PFKFB4: variants seen among roughly 807,000 people sequenced by gnomAD.
The protein encoded by PFKFB4 is 6-phosphofructo-2-kinase/fructose-2,6-bisphosphatase 4.
In PFKFB4, 42 loss-of-function variants were observed where a neutral mutation model predicts 62.8. The ratio of observed to expected loss-of-function variants is 0.67; its 90% confidence interval spans 0.52 to 0.86. The LOEUF (loss-of-function observed/expected upper bound fraction) is 0.86. Among genes scored for constraint, PFKFB4 ranks in the 40% least tolerant of loss-of-function variants. PFKFB4 has a pLI of 0.00. For synonymous variants in PFKFB4, 204 were observed against 240.7 expected (o/e 0.85, Z 1.41); for missense variants, 475 against 627.2 (o/e 0.76, Z 2.59).
At chr3:48,562,850 G>A (rs1232046619), upstream of PFKFB4, 1 of 1,587,268 alleles carries the variant, frequency 6.3e-7, no homozygotes, top group East Asian at 2.3e-5. This position sits in a 1 kb window ranked among gnomAD's most constrained non-coding sequence, Gnocchi z 4.3. Context: ...GGCAGCCCTG[G>A]CCCGGGCTTG....
At chr3:48,544,441 CTTTT>C (rs34817026) in intron 3 of PFKFB4, among the ~76,000 whole-genome samples, 4 of 100,402 alleles carry the variant, frequency 4.0e-5, no homozygotes, top group Non-Finnish European at 5.9e-5. Context: ...GTTTTCAGAT[CTTTT>C]TTTTTTTTTT....
intron 9 of PFKFB4, among the ~76,000 whole-genome samples, chr3:48,533,062 G>A (rs2042476955): frequency 6.6e-6 from 1 of 152,108 alleles, no homozygotes; most frequent in Non-Finnish European, 1.5e-5. Flanking sequence ...TTTTAGAGAT[G>A]GGGTCTCACT....
chr3:48,561,074 C>T (rs750058912), upstream of PFKFB4: 1 of 1,284,004 alleles, frequency 7.8e-7, no homozygotes, highest in South Asian at 1.3e-5. This position sits in a 1 kb window ranked among gnomAD's most constrained non-coding sequence, Gnocchi z 5.2. Context: ...TCCCCGGCCC[C>T]AGGTCGGTCA....
intron 1 of PFKFB4, among the ~76,000 whole-genome samples, chr3:48,554,220 A>G (rs1308683586): frequency 6.6e-6 from 1 of 152,142 alleles, no homozygotes; most frequent in African/African-American, 2.4e-5. Flanking sequence ...ATCCGCTTCC[A>G]TCCCCACCCA....
chr3:48,562,762 T>C (rs1251845787), upstream of PFKFB4: 14 of 1,522,600 alleles, frequency 9.2e-6, no homozygotes, highest in Non-Finnish European at 1.1e-5. This position sits in a 1 kb window ranked among gnomAD's most constrained non-coding sequence, Gnocchi z 4.3. Context: ...GGTGGCCCTA[T>C]CACTGTGACC....
intron 9 of PFKFB4, among the ~76,000 whole-genome samples, chr3:48,535,284 A>G (rs1050902440): frequency 1.3e-5 from 2 of 152,132 alleles, no homozygotes; most frequent in African/African-American, 4.8e-5. Flanking sequence ...GAGGAGAGTG[A>G]GGTTGAGGTG....
In PFKFB4 at chr3:48,531,882, T is replaced by G. The variant is rs890198827; in HGVS notation, c.987+3630A>C. ...CCACACCCATTAGGATGGCTACTAT[T>G]AAAAAAAGAAAAGAAAAGAAAACAA... On this transcript the variant is annotated intron_variant, in intron 9 of 13. Transcript: ENST00000232375. Among the ~76,000 whole-genome samples, 48 of 151,828 alleles carry G rather than the reference T, an allele frequency of 3.2e-4. 1 individual carries two copies. The highest frequency in any genetic ancestry group is 3.1e-3 in the Admixed American group (47 of 15,232).
chr3:48,525,174 G>A (rs1021142043), intron 10 of PFKFB4, among the ~76,000 whole-genome samples: 3 of 152,168 alleles, frequency 2.0e-5, no homozygotes. Context: ...GAAAGGAGCT[G>A]GCCTGGGAAT....
chr3:48,525,423 C>T (rs2042225571), intron 10 of PFKFB4, 142 bp downstream of exon 10: 1 of 530,890 alleles, frequency 1.9e-6, no homozygotes, highest in Non-Finnish European at 3.4e-6. Context: ...AGATGAACCA[C>T]ACACCCAGGC....
chr3:48,559,898 C>CCA (rs34826551), upstream of PFKFB4: 3,582 of 191,592 alleles, frequency 0.019, 76 homozygotes, highest in Non-Finnish European at 0.021. Context: ...AACCATCCCA[C>CCA]CACACACACA....
Position 48,523,744 on chromosome 3 carries a change from A to T in PFKFB4, c.1179T>A (p.Ala393=), listed in dbSNP as rs1041645787. The stretch of plus-strand genomic sequence containing the variant: ...AGTAGGCCAGCAGGCAGCGCATCAC[A>T]GCCTGGTGGCAGATGACCAGCACAT... The part of the protein sequence containing the change: ...QENVLVICHQ[A]VMRCLLAYFL... Residue 393 remains alanine (A), a synonymous_variant, in exon 11 of 14, where the codon GCT becomes GCA. Coordinates refer to ENST00000232375, the MANE Select transcript of PFKFB4 (RefSeq NM_004567.4). 1 of 1,614,178 alleles carries T rather than the reference A, an allele frequency of 6.2e-7. No individual in the cohort carries two copies. The highest frequency in any genetic ancestry group is 1.3e-5 in the African/African-American group (1 of 75,062).
intron 1 of PFKFB4, among the ~76,000 whole-genome samples, chr3:48,553,977 A>G (rs1379981213): frequency 6.6e-6 from 1 of 152,140 alleles, no homozygotes; most frequent in Non-Finnish European, 1.5e-5. Context: ...TCCAGGTCTG[A>G]GCTCGGAGGC....
Position 48,536,373 on chromosome 3 carries a change from G to T in PFKFB4, c.723C>A (p.Tyr241Ter). 6.2e-7 allele frequency: 1 copy of T among 1,614,204 alleles called. No homozygotes were observed. The highest frequency in any genetic ancestry group is 8.5e-7 in the Non-Finnish European group (1 of 1,180,016). The change falls in exon 8 of 14, where the codon TAC becomes TAA. Residue 241 changes from tyrosine (Y) to a stop codon, truncating the protein, a stop_gained. Transcript: ENST00000232375. LOFTEE classifies it high-confidence loss of function. ...ADHIQSRIVY[Y>*]LMNIHVTPRS... ...GGGGGGTCACGTGGATGTTCATGAG[G>T]TAATATACGATGCGGCTCTGGATGT... is the stretch of plus-strand genomic sequence containing the variant.
intron 1 of PFKFB4, among the ~76,000 whole-genome samples, chr3:48,550,518 G>A (rs1233012416): frequency 2.0e-5 from 3 of 152,120 alleles, no homozygotes; most frequent in East Asian, 1.9e-4. Flanking sequence ...AAAGTCAACC[G>A]AACTTGCCAC....
chr3:48,525,141 G>A (rs1002695041), intron 10 of PFKFB4, among the ~76,000 whole-genome samples: 4 of 152,164 alleles, frequency 2.6e-5, no homozygotes, highest in East Asian at 3.8e-4. Flanking sequence ...TGAGCGCCCC[G>A]GAAAGGGCTG....
intron 9 of PFKFB4, among the ~76,000 whole-genome samples, chr3:48,528,550 C>A (rs924275908): frequency 2.0e-5 from 3 of 152,116 alleles, no homozygotes; most frequent in African/African-American, 7.2e-5. Flanking sequence ...GTAGTCCCAG[C>A]TACTTGGGAG....
At chr3:48,561,230 C>T (rs1209577127), upstream of PFKFB4, 1 of 465,894 alleles carries the variant, frequency 2.1e-6, no homozygotes, top group Non-Finnish European at 3.4e-6. This position sits in a 1 kb window ranked among gnomAD's most constrained non-coding sequence, Gnocchi z 5.2. Flanking sequence ...CCCCGCCTCC[C>T]CAGCCCACTG....
upstream of PFKFB4, among the ~76,000 whole-genome samples, chr3:48,558,552 G>A (rs1360271456): frequency 6.6e-6 from 1 of 152,166 alleles, no homozygotes; most frequent in East Asian, 1.9e-4. Flanking sequence ...TTTAAAGCTT[G>A]GCAAGGACCC....
At chr3:48,519,931 G>A (rs1162032742) in intron 13 of PFKFB4, 125 bp from the exon 14 acceptor site, 2 of 719,422 alleles carry the variant, frequency 2.8e-6, no homozygotes, top group South Asian at 3.3e-5. Context: ...ACAGCCGCAA[G>A]ACTCTAGACC....
Sources: gnomAD v4.1 joint callset for allele counts (sites outside exome capture counted in the v4.1 genomes callset) on GRCh38, gnomAD v4.1.1 for gene constraint, Gnocchi (gnomAD v3.1) non-coding constraint, MANE v1.5 for transcripts, NCBI Gene and HGNC (gene_info 2026-07-23, HGNC 2026-07-21) for gene names.